Variants in PIAS2 observed in about 807,000 individuals in gnomAD.
The protein encoded by PIAS2 is E3 SUMO-protein ligase PIAS2.
In PIAS2, 19 loss-of-function variants were observed where a neutral mutation model predicts 69.7. The observed-to-expected ratio is 0.27, with a 90% CI of 0.19 to 0.40. The LOEUF is 0.40. Among genes scored for constraint, PIAS2 ranks in the 10% least tolerant of loss-of-function variants. The probability of loss-of-function intolerance (pLI) is 1.00; values close to 1 mark genes in which losing one functional copy is unlikely to be tolerated. For missense variants in PIAS2, 624 were observed against 757.0 expected (o/e 0.82, Z 2.06); for synonymous variants, 261 against 263.2 (o/e 0.99, Z 0.08).
At chr18:46,888,836 C>T (rs72913075) in intron 2 of PIAS2, among the ~76,000 whole-genome samples, 1,697 of 151,928 alleles carry the variant, frequency 0.011, 17 homozygotes, top group Non-Finnish European at 0.017. Context: ...GCTCACCTCC[C>T]GCTGTGCGAC....
At chr18:46,842,701 T>G (rs1161326597) in intron 8 of PIAS2, among the ~76,000 whole-genome samples, 1 of 152,164 alleles carries the variant, frequency 6.6e-6, no homozygotes, top group Non-Finnish European at 1.5e-5. Flanking sequence ...CTGAAGATAC[T>G]GAAAAGAACT....
intron 2 of PIAS2, among the ~76,000 whole-genome samples, chr18:46,869,072 A>G (rs1484616501): frequency 6.6e-6 from 1 of 152,248 alleles, no homozygotes; most frequent in South Asian, 2.1e-4. Flanking sequence ...AATGAGATGT[A>G]CAATTAAGCA....
intron 5 of PIAS2, among the ~76,000 whole-genome samples, chr18:46,850,521 A>G (rs1253328171): frequency 6.6e-6 from 1 of 152,206 alleles, no homozygotes; most frequent in Non-Finnish European, 1.5e-5. Flanking sequence ...ATATTTTTAA[A>G]GCCAGTCATT....
intron 1 of PIAS2, among the ~76,000 whole-genome samples, chr18:46,908,721 G>A (rs912013672): frequency 1.3e-5 from 2 of 152,074 alleles, no homozygotes; most frequent in Non-Finnish European, 2.9e-5. Context: ...ATCAAAAAAC[G>A]CATAAGGCTG....
intron 1 of PIAS2, chr18:46,907,902 T>C (rs2056816369): frequency 6.6e-6 from 1 of 152,198 alleles, no homozygotes; most frequent in Middle Eastern, 3.4e-3. Context: ...ACAGGTTCCA[T>C]TTATATAAAG....
rs1296415457 is a variant in PIAS2 at position 46,805,199 on chromosome 18, G to A, written c.*7234C>T. On this transcript the variant is annotated 3_prime_UTR_variant, in exon 14 of 14. Transcript: ENST00000585916. ...AGGAACTATGCTACGTCATGTCGGAGGATGGATAGGTTACTGAGGATTTCT... is the reference window on the plus strand; with the variant it reads ...AGGAACTATGCTACGTCATGTCGGAAGATGGATAGGTTACTGAGGATTTCT... 2 of 152,168 alleles carry A rather than the reference G, an allele frequency of 1.3e-5. No homozygotes were observed. Among genetic ancestry groups the A allele is most frequent in the African/African-American group, 4.8e-5 (2 of 41,428 alleles). The allele number at this position is 152,168 out of a possible 1,614,324, so 9.4% of individuals were successfully genotyped here.
chr18:46,903,638 G>A (rs1253615195), intron 1 of PIAS2: 2 of 152,152 alleles, frequency 1.3e-5, no homozygotes, highest in African/African-American at 2.4e-5. Flanking sequence ...CAGCCACTCT[G>A]GAAAACAGTT....
chr18:46,818,481 T>C (rs1057473999), intron 12 of PIAS2: 3 of 1,531,384 alleles, frequency 2.0e-6, no homozygotes, highest in Non-Finnish European at 1.8e-6. Flanking sequence ...TTATGATGTT[T>C]AAAAGGAATG....
chr18:46,875,343 C>T (rs1390963566), intron 2 of PIAS2, among the ~76,000 whole-genome samples: 2 of 152,200 alleles, frequency 1.3e-5, no homozygotes, highest in Admixed American at 6.5e-5. Context: ...GTTGCAAGGA[C>T]TGAAACAGAA....
intron 13 of PIAS2, 109 bp downstream of exon 13, chr18:46,815,203 A>G (rs984029560): frequency 1.2e-6 from 1 of 816,066 alleles, no homozygotes; most frequent in Non-Finnish European, 2.1e-6. Flanking sequence ...CCATCAATGT[A>G]AGTAATTCAG....
At chr18:46,815,575 A>G in intron 12 of PIAS2, 1 of 1,202,108 alleles carries the variant, frequency 8.3e-7, no homozygotes. Flanking sequence ...AGAGACTCAA[A>G]TGCAGAAGTC....
chr18:46,862,634 T>TACATATATATACACATATATAC (rs1467098864), intron 3 of PIAS2, among the ~76,000 whole-genome samples: 79 of 152,220 alleles, frequency 5.2e-4, no homozygotes, highest in Middle Eastern at 6.8e-3. Context: ...CATATATACA[T>TACATATATATACACATATATAC]ACATATATAT....
intron 5 of PIAS2, chr18:46,853,333 G>T (rs866045728): frequency 4.0e-5 from 6 of 151,472 alleles, no homozygotes; most frequent in African/African-American, 1.5e-4. Context: ...CACATCTAGG[G>T]CAAAGAAAAA....
intron 11 of PIAS2, chr18:46,826,904 T>C (rs2042917570): frequency 6.6e-6 from 1 of 152,182 alleles, no homozygotes; most frequent in Admixed American, 6.5e-5. Flanking sequence ...ACATTTTATA[T>C]AAAATGTCTA....
At chr18:46,870,853 A>C (rs1345814279) in intron 2 of PIAS2, among the ~76,000 whole-genome samples, 1 of 152,120 alleles carries the variant, frequency 6.6e-6, no homozygotes, top group East Asian at 1.9e-4. Flanking sequence ...AGCCGACCAA[A>C]AATTTCCAGC....
chr18:46,827,574 T>G (rs1477006448), intron 11 of PIAS2: 1 of 161,606 alleles, frequency 6.2e-6, no homozygotes, highest in Admixed American at 6.1e-5. Flanking sequence ...GTATTTCATC[T>G]AAGATCACAG....
chr18:46,892,137 T>C (rs2054166369), intron 1 of PIAS2, among the ~76,000 whole-genome samples: 1 of 152,062 alleles, frequency 6.6e-6, no homozygotes, highest in Non-Finnish European at 1.5e-5. Flanking sequence ...AACCTGCTTG[T>C]CTCATCAGTA....
At chr18:46,871,828 A>G (rs1007691797) in intron 2 of PIAS2, among the ~76,000 whole-genome samples, 2 of 152,218 alleles carry the variant, frequency 1.3e-5, no homozygotes, top group African/African-American at 4.8e-5. Context: ...GGCAGGAACT[A>G]ACCTATTAGG....
chr18:46,844,490 C>A (rs2045886274), intron 7 of PIAS2, among the ~76,000 whole-genome samples: 1 of 152,020 alleles, frequency 6.6e-6, no homozygotes, highest in African/African-American at 2.4e-5. Flanking sequence ...TTGTTTCCAA[C>A]AATTATTAAA....
Sources: gnomAD v4.1 joint callset for allele counts (sites outside exome capture counted in the v4.1 genomes callset) on GRCh38, gnomAD v4.1.1 for gene constraint, MANE v1.5 for transcripts, NCBI Gene and HGNC (gene_info 2026-07-23, HGNC 2026-07-21) for gene names.